Variants in LTBP2 observed in about 807,000 individuals in gnomAD.
LTBP2 encodes the protein latent transforming growth factor beta binding protein 2.
In LTBP2, 103 loss-of-function variants were observed where a neutral mutation model predicts 210.6. The ratio of observed to expected loss-of-function variants is 0.49; its 90% confidence interval spans 0.42 to 0.58. The LOEUF is 0.58. Among genes scored for constraint, LTBP2 ranks in the 20% least tolerant of loss-of-function variants. The pLI is 0.00. For missense variants in LTBP2, 2,313 were observed against 2,494.5 expected (o/e 0.93, Z 1.55); for synonymous variants, 1,007 against 1,015.0 (o/e 0.99, Z 0.15).
In LTBP2 at chr14:74,521,927, C is replaced by T. The variant is rs374788307; in HGVS notation, c.2772G>A (p.Ala924=). Residue 924 remains alanine (A), a synonymous_variant, in exon 17 of 36, where the codon GCG becomes GCA. Coordinates refer to ENST00000261978, the MANE Select transcript of LTBP2 (RefSeq NM_000428.3). ...YPGYTLATSG[A]TQECQDINEC... is the part of the protein sequence containing the mutation. ...TTGGCTTACCTTGACACTCCTGTGTCGCCCCTGAGGTGGCCAGAGTGTAGC... is the reference window on the plus strand; with the variant it reads ...TTGGCTTACCTTGACACTCCTGTGTTGCCCCTGAGGTGGCCAGAGTGTAGC... The T allele has an allele frequency of 1.2e-5, 19 of 1,614,036 alleles. No homozygotes were observed. The highest frequency in any genetic ancestry group is 6.7e-5 in the African/African-American group (5 of 74,940).
At chr14:74,604,253 C>A (rs1290771617) in intron 1 of LTBP2, among the ~76,000 whole-genome samples, 1 of 150,598 alleles carries the variant, frequency 6.6e-6, no homozygotes, top group Non-Finnish European at 1.5e-5. Context: ...GGCTGGAAGA[C>A]ACACATAAAA....
Position 74,521,915 on chromosome 14 carries a change from A to G in LTBP2, c.2784T>C (p.Cys928=), listed in dbSNP as rs140090189. The part of the protein sequence containing the change: ...TLATSGATQE[C]QDINECEQPG... ...GCAAGGGCGGGCTTGGCTTACCTTG[A>G]CACTCCTGTGTCGCCCCTGAGGTGG... Residue 928 remains cysteine, a synonymous_variant, in exon 17 of 36, where the codon TGT becomes TGC. Coordinates refer to ENST00000261978, the MANE Select transcript of LTBP2 (RefSeq NM_000428.3). The G allele has an allele frequency of 5.0e-5, 81 of 1,613,972 alleles. No individual in the cohort carries two copies. In the African/African-American group the frequency reaches 8.7e-4, roughly 17 times the overall value.
At position 74,522,842 on chromosome 14, in the gene LTBP2, T is replaced by C; in HGVS notation, c.2607A>G (p.Arg869=). ...GCTGGTAGCCAGGGCTGCAGACACATCTGTATCCATCGGGGAGGTTCACGC... is the reference window on the plus strand; with the variant it reads ...GCTGGTAGCCAGGGCTGCAGACACACCTGTATCCATCGGGGAGGTTCACGC... The part of the protein sequence containing the change: ...GTCVNLPDGY[R]CVCSPGYQLH... Residue 869 remains arginine, a synonymous_variant, in exon 16 of 36, where the codon AGA becomes AGG. Transcript: ENST00000261978. The C allele has an allele frequency of 1.9e-6, 3 of 1,612,686 alleles. No individual in the cohort carries two copies. The highest frequency in any genetic ancestry group is 2.5e-6 in the Non-Finnish European group (3 of 1,179,618).
intron 3 of LTBP2, among the ~76,000 whole-genome samples, chr14:74,559,353 T>C (rs992336371): frequency 2.0e-5 from 3 of 152,142 alleles, no homozygotes; most frequent in African/African-American, 7.2e-5. Context: ...GATTTGGGGT[T>C]AAATGACAGA....
rs2087272257 is a variant in LTBP2, at chr14:74,526,208, T to C, written c.2389-94A>G. 4 of 1,198,406 alleles carry C rather than the reference T, an allele frequency of 3.3e-6. No individual in the cohort carries two copies. The African/African-American group carries it at 4.6e-5, about 14-fold the overall frequency. 74.2% of individuals were successfully genotyped at this position (1,198,406 alleles called of 1,614,324 possible). On this transcript the variant is annotated intron_variant, in intron 13 of 35. Transcript: ENST00000261978. ...CACTGACCCCCACCTCCGGGCTTCCTACCAGGAGCTCATTCATGTTTTCAT... is the reference window on the plus strand; with the variant it reads ...CACTGACCCCCACCTCCGGGCTTCCCACCAGGAGCTCATTCATGTTTTCAT...
chr14:74,522,244 C>T (rs904054211), intron 16 of LTBP2, among the ~76,000 whole-genome samples: 9 of 152,158 alleles, frequency 5.9e-5, no homozygotes, highest in South Asian at 2.1e-4. Context: ...CACCAGAAGC[C>T]TGGCGTGACT....
At position 74,540,830 on chromosome 14, in the gene LTBP2, A is replaced by ATTATATATATT. The variant is rs1555350191; in HGVS notation, c.1790-4831_1790-4830insAATATATATAA. Among the ~76,000 whole-genome samples, 65 of 68,628 alleles carry ATTATATATATT rather than the reference A, an allele frequency of 9.5e-4. 1 individual carries two copies. Among genetic ancestry groups the ATTATATATATT allele is most frequent in the African/African-American group, 3.1e-3 (62 of 19,690 alleles). The allele number at this position is 68,628 out of a possible 152,430, so 45.0% of individuals were successfully genotyped here. A position where few individuals can be genotyped will look rare whatever the true frequency, so the allele number is the denominator to read the frequency against. On this transcript the variant is annotated intron_variant, in intron 8 of 35. Transcript: ENST00000261978. ...ATATAATATATATATATTTTTATAT[A>ATTATATATATT]ATATATATTTATATATATTATATAT...
At chr14:74,543,728 C>T (rs563865469) in intron 8 of LTBP2, among the ~76,000 whole-genome samples, 1 of 152,266 alleles carries the variant, frequency 6.6e-6, no homozygotes, top group East Asian at 1.9e-4. Context: ...ATGAAATAAG[C>T]ATGTACAACT....
intron 28 of LTBP2, among the ~76,000 whole-genome samples, chr14:74,505,579 T>G (rs1202609403): frequency 7.0e-6 from 1 of 143,472 alleles, no homozygotes. Flanking sequence ...CCACCCTTCC[T>G]CGTCTCCCTC....
intron 3 of LTBP2, among the ~76,000 whole-genome samples, chr14:74,583,971 G>A (rs2088171364): frequency 6.6e-6 from 1 of 151,672 alleles, no homozygotes; most frequent in African/African-American, 2.4e-5. Flanking sequence ...ATGGGGTGGT[G>A]CCCTTGGCTG....
intron 18 of LTBP2, among the ~76,000 whole-genome samples, chr14:74,514,845 C>G (rs862050): frequency 0.64 from 96,784 of 151,970 alleles, 30,955 homozygotes; most frequent in East Asian, 0.75. Flanking sequence ...GGTGATGGGC[C>G]GGGCTTGTGG....
intron 15 of LTBP2, 25 bp downstream of exon 15, chr14:74,525,099 G>T: frequency 7.9e-7 from 1 of 1,258,898 alleles, no homozygotes; most frequent in Non-Finnish European, 1.0e-6. Flanking sequence ...GGTGCAGGGA[G>T]CCCCAAAGGT....
chr14:74,573,961 C>G (rs1203312562), intron 3 of LTBP2, among the ~76,000 whole-genome samples: 1 of 152,114 alleles, frequency 6.6e-6, no homozygotes, highest in African/African-American at 2.4e-5. Flanking sequence ...CAAGTGGAAC[C>G]GGGATCTGTC....
intron 15 of LTBP2, among the ~76,000 whole-genome samples, 198 bp downstream of exon 15, chr14:74,524,926 G>A (rs1002173149): frequency 1.6e-4 from 25 of 152,182 alleles, no homozygotes; most frequent in African/African-American, 5.8e-4. Context: ...CAGGGCTCTT[G>A]TTTTCACAAG....
intron 3 of LTBP2, among the ~76,000 whole-genome samples, chr14:74,574,756 T>C (rs2088033498): frequency 6.6e-6 from 1 of 152,192 alleles, no homozygotes; most frequent in African/African-American, 2.4e-5. Flanking sequence ...GGTCCATATA[T>C]TCCTCAGCTC....
chr14:74,511,641 C>T (rs1340811157), intron 18 of LTBP2, among the ~76,000 whole-genome samples: 1 of 152,204 alleles, frequency 6.6e-6, no homozygotes, highest in African/African-American at 2.4e-5. Context: ...GGGTCAGAGG[C>T]TCCACTTTGT....
rs1308067028 is a variant in LTBP2, at chr14:74,553,019, G to A, written c.1065C>T (p.Phe355=). 6.2e-7 allele frequency: 1 copy of A among 1,614,196 alleles called. No homozygotes were observed. The highest frequency in any genetic ancestry group is 1.3e-5 in the African/African-American group (1 of 75,054). ...TEKIKKIKIV[F]TPTICKQTCA... is the part of the protein sequence containing the mutation. The stretch of plus-strand genomic sequence containing the variant: ...AGGTCTGCTTGCAGATGGTGGGAGT[G>A]AAGACGATCTTGATCTTCTTGATTT... Residue 355 remains phenylalanine, a synonymous_variant, in exon 5 of 36, where the codon TTC becomes TTT. Transcript: ENST00000261978.
intron 3 of LTBP2, among the ~76,000 whole-genome samples, chr14:74,563,683 T>G (rs2087827083): frequency 6.6e-6 from 1 of 152,054 alleles, no homozygotes; most frequent in Non-Finnish European, 1.5e-5. Flanking sequence ...AAATTCAAAT[T>G]TAAGCATCTA....
chr14:74,509,152 C>G, intron 22 of LTBP2, 86 bp downstream of exon 22: 1 of 1,602,268 alleles, frequency 6.2e-7, no homozygotes, highest in Non-Finnish European at 8.5e-7. Flanking sequence ...CCTCCAGCCT[C>G]AGCAGCCCCC....
Sources: allele counts gnomAD v4.1 joint callset (sites outside exome capture counted in the v4.1 genomes callset), GRCh38; gene constraint gnomAD v4.1.1; transcripts MANE v1.5; gene names NCBI Gene and HGNC (gene_info 2026-07-23, HGNC 2026-07-21).